Variants in GC observed in about 807,000 individuals in gnomAD.
The protein encoded by GC is GC vitamin D binding protein, also known as vitamin D-binding protein.
In GC, 43 loss-of-function variants were observed where a neutral mutation model predicts 56.7. The ratio of observed to expected loss-of-function variants is 0.76; its 90% CI spans 0.59 to 0.98. The LOEUF is 0.98. GC is among the 50% of genes least tolerant of loss of function. The pLI, the probability that GC is intolerant of heterozygous loss-of-function variation, is 0.00. For synonymous variants in GC, 216 were observed against 202.7 expected, an observed-to-expected ratio of 1.07 and a Z score of -0.56; for missense variants, 529 against 545.9, an observed-to-expected ratio of 0.97 and a Z score of 0.31.
At chr4:71,772,823 T>G (rs774206877) in intron 1 of GC, among the ~76,000 whole-genome samples, 64 of 152,228 alleles carry the variant, frequency 4.2e-4, no homozygotes, top group Non-Finnish European at 7.4e-4. Flanking sequence ...ACCATGATCT[T>G]TCAGGTGAGC....
chr4:71,794,092 A>G (rs370885242), intron 1 of GC, among the ~76,000 whole-genome samples: 3 of 152,308 alleles, frequency 2.0e-5, no homozygotes, highest in African/African-American at 7.2e-5. Context: ...ATCATTGCTC[A>G]TCAGGGATAT....
intron 1 of GC, among the ~76,000 whole-genome samples, chr4:71,770,420 T>G (rs1742306072): frequency 6.6e-6 from 1 of 151,370 alleles, no homozygotes; most frequent in Non-Finnish European, 1.5e-5. Context: ...CAGAGGAGAG[T>G]CTTAAGGTGC....
rs571074711 is a variant in GC, at chr4:71,773,574, T to C, written c.59-4174A>G. ...GTTGTAATGGGGATAGCTAATAAGA[T>C]ACTGCTTTGTTACAAAGTTTATTAA... On this transcript the variant is annotated intron_variant, in intron 1 of 12. Coordinates refer to ENST00000273951, the MANE Select transcript of GC (RefSeq NM_000583.4). 4.3e-4 allele frequency among the ~76,000 whole-genome samples: 66 copies of C among 152,194 alleles called. 1 individual carries two copies. Among genetic ancestry groups the C allele is most frequent in the Admixed American group, 1.2e-3 (18 of 15,238 alleles).
intron 12 of GC, among the ~76,000 whole-genome samples, chr4:71,744,698 C>A (rs553402834): frequency 6.6e-6 from 1 of 152,164 alleles, no homozygotes; most frequent in South Asian, 2.1e-4. Flanking sequence ...TTCCAAATAA[C>A]CCTGACTCTT....
At chr4:71,789,901 G>T (rs1742928723) in intron 1 of GC, among the ~76,000 whole-genome samples, 1 of 151,890 alleles carries the variant, frequency 6.6e-6, no homozygotes, top group Admixed American at 6.6e-5. Context: ...GAAGGAATCT[G>T]TGAGCCAAGA....
chr4:71,758,095 T>A lies in GC; in HGVS notation c.778A>T (p.Asn260Tyr). ...GACTCACAGCATTTGGAGAGGATGT[T>A]AGTAATATCTTCAGCTAGTGGCAAA... is the stretch of plus-strand genomic sequence containing the variant. The part of the protein sequence containing the change: ...DVLPLAEDIT[N>Y]ILSKCCESAS... Residue 260 changes from asparagine to tyrosine, a missense_variant, in exon 7 of 13, where the codon AAC becomes TAC. Asn to Tyr is a moderately radical substitution (Grantham distance 143). Coordinates refer to ENST00000273951, the MANE Select transcript of GC (RefSeq NM_000583.4). 1 of 1,613,492 alleles carries A rather than the reference T, an allele frequency of 6.2e-7. No individual in the cohort carries two copies. The highest frequency in any genetic ancestry group is 8.5e-7 in the Non-Finnish European group (1 of 1,179,506).
At chr4:71,747,435 A>G (rs1173668358) in intron 11 of GC, among the ~76,000 whole-genome samples, 1 of 152,206 alleles carries the variant, frequency 6.6e-6, no homozygotes, top group African/African-American at 2.4e-5. Context: ...ATGAAATAGA[A>G]CAAGAAGAGA....
At chr4:71,778,402 G>T (rs188489882) in intron 1 of GC, among the ~76,000 whole-genome samples, 4 of 152,002 alleles carry the variant, frequency 2.6e-5, no homozygotes, top group African/African-American at 9.6e-5. Flanking sequence ...AAACCCAAAT[G>T]CTCATAGGAT....
At chr4:71,755,790 G>A (rs185724655) in intron 8 of GC, among the ~76,000 whole-genome samples, 2 of 152,140 alleles carry the variant, frequency 1.3e-5, no homozygotes, top group Non-Finnish European at 2.9e-5. Flanking sequence ...TGTGAAAATT[G>A]GTTTGTGTAA....
chr4:71,769,541 G>C, intron 1 of GC, 141 bp from the exon 2 acceptor site: 1 of 602,912 alleles, frequency 1.7e-6, no homozygotes, highest in East Asian at 2.9e-5. Context: ...TTCATATTTT[G>C]GGGGCCTTTC....
intron 1 of GC, among the ~76,000 whole-genome samples, chr4:71,793,351 T>G (rs1248956599): frequency 2.0e-5 from 3 of 152,116 alleles, no homozygotes; most frequent in African/African-American, 7.2e-5. Flanking sequence ...GTGGTTTGTA[T>G]TTCTCCTTGA....
At chr4:71,763,356 T>C in intron 6 of GC, 52 bp downstream of exon 6, 1 of 903,372 alleles carries the variant, frequency 1.1e-6, no homozygotes, top group Non-Finnish European at 1.8e-6. Flanking sequence ...ATATTATGGA[T>C]AGACAGTGCA....
intron 11 of GC, among the ~76,000 whole-genome samples, chr4:71,749,154 C>T (rs950857163): frequency 5.9e-5 from 9 of 152,164 alleles, no homozygotes; most frequent in African/African-American, 1.9e-4. Context: ...TCTCTGTGTA[C>T]TCTGAATAAT....
chr4:71,745,896 T>C (rs1197041535), intron 12 of GC, among the ~76,000 whole-genome samples: 2 of 152,054 alleles, frequency 1.3e-5, no homozygotes, highest in African/African-American at 2.4e-5. Flanking sequence ...TTATGTTACA[T>C]GTGAGATTAT....
intron 1 of GC, among the ~76,000 whole-genome samples, chr4:71,772,398 G>A (rs1234834443): frequency 1.3e-5 from 2 of 152,114 alleles, no homozygotes; most frequent in Admixed American, 1.3e-4. Flanking sequence ...GGGTACCCCC[G>A]ATGAACATTT....
intron 12 of GC, 28 bp from the exon 13 acceptor site, chr4:71,741,898 G>T (rs897970380): frequency 7.1e-6 from 5 of 702,706 alleles, no homozygotes; most frequent in African/African-American, 1.7e-5. Context: ...TGAATTTTAT[G>T]TTAGAAAAAC....
At chr4:71,755,788 T>C (rs1741748783) in intron 8 of GC, among the ~76,000 whole-genome samples, 1 of 152,214 alleles carries the variant, frequency 6.6e-6, no homozygotes, top group Non-Finnish European at 1.5e-5. Flanking sequence ...TCTGTGAAAA[T>C]TGGTTTGTGT....
At chr4:71,769,108 C>T (rs1301116206) in intron 2 of GC, among the ~76,000 whole-genome samples, 8 of 152,156 alleles carry the variant, frequency 5.3e-5, no homozygotes, top group Non-Finnish European at 1.2e-4. Context: ...CATTCATAAA[C>T]TTACTGGTGA....
At chr4:71,780,266 A>G (rs1454638700) in intron 1 of GC, among the ~76,000 whole-genome samples, 1 of 152,118 alleles carries the variant, frequency 6.6e-6, no homozygotes, top group African/African-American at 2.4e-5. Flanking sequence ...TGTTAGACCT[A>G]AAACCATAAA....
Sources: gnomAD v4.1 joint callset for allele counts (sites outside exome capture counted in the v4.1 genomes callset) on GRCh38, gnomAD v4.1.1 for gene constraint, MANE v1.5 for transcripts, NCBI Gene and HGNC (gene_info 2026-07-23, HGNC 2026-07-21) for gene names.